F13A1: variants seen among roughly 807,000 people sequenced by gnomAD.
The protein encoded by F13A1 is FSF, A subunit.
F13A1 carries 47 observed loss-of-function variants against 80.1 expected under a neutral mutation model. The ratio of observed to expected loss-of-function variants is 0.59; its 90% confidence interval spans 0.46 to 0.75. The LOEUF (loss-of-function observed/expected upper bound fraction) is 0.75, where lower values mean the gene tolerates loss of function less well. Among genes scored for constraint, F13A1 ranks in the 30% least tolerant of loss-of-function variants. F13A1 has a pLI of 0.00. For synonymous variants in F13A1, 349 were observed against 344.9 expected (o/e 1.01, Z -0.13); for missense variants, 817 against 930.4 (o/e 0.88, Z 1.59).
At chr6:6,174,481 A>G (rs889621478) in intron 12 of F13A1, 99 bp downstream of exon 12, 2 of 1,307,450 alleles carry the variant, frequency 1.5e-6, no homozygotes, top group African/African-American at 2.9e-5. Flanking sequence ...TCTTGGAGGG[A>G]ACTTTAACTT....
intron 8 of F13A1, among the ~76,000 whole-genome samples, chr6:6,199,486 C>A (rs1054125312): frequency 1.4e-5 from 2 of 145,394 alleles, no homozygotes; most frequent in African/African-American, 2.6e-5. Flanking sequence ...GAGCGAGACT[C>A]CATCTCAGAA....
rs1490594659 is a variant in F13A1 at position 6,306,933 on chromosome 6, T to C, written c.131-1394A>G. Among the ~76,000 whole-genome samples, 3 of 152,242 alleles carry C rather than the reference T, an allele frequency of 2.0e-5. No individual in the cohort carries two copies. The East Asian group carries it at 5.8e-4, about 29-fold the overall frequency. On this transcript the variant is annotated intron_variant, in intron 2 of 14. Transcript: ENST00000264870. ...AACCAAGAAGTTGGGCTCTTTAAGATCCTCTTCGGTCCTAAAGTCCAGGAG... is the reference window on the plus strand; with the variant it reads ...AACCAAGAAGTTGGGCTCTTTAAGACCCTCTTCGGTCCTAAAGTCCAGGAG...
At chr6:6,220,834 T>G (rs909593996) in intron 8 of F13A1, among the ~76,000 whole-genome samples, 1 of 152,218 alleles carries the variant, frequency 6.6e-6, no homozygotes, top group Non-Finnish European at 1.5e-5. Flanking sequence ...TCCCTTCCAA[T>G]GAACCGAACT....
intron 14 of F13A1, 138 bp from the exon 15 acceptor site, chr6:6,145,910 T>A: frequency 8.8e-7 from 1 of 1,138,226 alleles, no homozygotes; most frequent in Non-Finnish European, 1.3e-6. Context: ...TCTCACTGGC[T>A]GATTCAGCAA....
chr6:6,224,813 A>G lies in F13A1; in HGVS notation c.846T>C (p.Asn282=), dbSNP rs988819544. ...DEGVLVGSWD[N]IYAYGVPPSA... is the part of the protein sequence containing the mutation. ...ATGGGGGGACGCCATAGGCATAGAT[A>G]TTGTCCCAGGATCCAACGAGGACAC... is the stretch of plus-strand genomic sequence containing the variant. Residue 282 remains asparagine (N), a synonymous_variant, in exon 7 of 15, where the codon AAT becomes AAC. Coordinates refer to ENST00000264870, the MANE Select transcript of F13A1 (RefSeq NM_000129.4). 7 of 1,614,106 alleles carry G rather than the reference A, an allele frequency of 4.3e-6. No individual in the cohort carries two copies. In the East Asian group the frequency reaches 8.9e-5, roughly 21 times the overall value.
At chr6:6,181,944 A>G (rs558286693) in intron 11 of F13A1, 44 bp downstream of exon 11, 8 of 1,609,238 alleles carry the variant, frequency 5.0e-6, no homozygotes, top group African/African-American at 2.7e-5. Flanking sequence ...TAAGTACTCA[A>G]TGGACTTGGG....
chr6:6,249,641 C>G (rs927257918), intron 5 of F13A1, among the ~76,000 whole-genome samples: 4 of 152,146 alleles, frequency 2.6e-5, no homozygotes, highest in Non-Finnish European at 4.4e-5. Flanking sequence ...ACCTTGATGA[C>G]TTTTCCCCTT....
chr6:6,309,219 A>G (rs1426392891), intron 2 of F13A1, among the ~76,000 whole-genome samples: 2 of 152,046 alleles, frequency 1.3e-5, no homozygotes, highest in Admixed American at 6.6e-5. Context: ...ACTGTCTAAT[A>G]ACTACTAACT....
At chr6:6,173,644 G>A (rs1760816899) in intron 12 of F13A1, among the ~76,000 whole-genome samples, 1 of 152,080 alleles carries the variant, frequency 6.6e-6, no homozygotes, top group Admixed American at 6.6e-5. Flanking sequence ...CTAACCTCAG[G>A]TGATCCGCTA....
chr6:6,184,399 C>T (rs1371540523), intron 10 of F13A1, among the ~76,000 whole-genome samples: 1 of 152,232 alleles, frequency 6.6e-6, no homozygotes, highest in Admixed American at 6.5e-5. Context: ...ACTTGCGGCT[C>T]AGATTTCTGA....
intron 10 of F13A1, among the ~76,000 whole-genome samples, chr6:6,190,142 T>C (rs968673899): frequency 2.2e-4 from 34 of 151,934 alleles, no homozygotes; most frequent in African/African-American, 7.2e-4. Context: ...TTTTTCAAAG[T>C]TTTCAACTTC....
At chr6:6,295,013 C>A (rs377358809) in intron 3 of F13A1, among the ~76,000 whole-genome samples, 6 of 145,936 alleles carry the variant, frequency 4.1e-5, no homozygotes, top group South Asian at 2.1e-4. Context: ...TTTGTTCTTG[C>A]GATAGTTTAC....
chr6:6,252,972 A>AATAC (rs1203305709), intron 4 of F13A1, among the ~76,000 whole-genome samples: 1 of 151,972 alleles, frequency 6.6e-6, no homozygotes, highest in East Asian at 1.9e-4. Flanking sequence ...CAGCCTGGCC[A>AATAC]ATACAGTGAA....
chr6:6,163,108 GTCTCCTCTCTGTCTCTCACATAATT>G (rs1760602120), intron 13 of F13A1, among the ~76,000 whole-genome samples: 1 of 152,202 alleles, frequency 6.6e-6, no homozygotes, highest in Admixed American at 6.5e-5. Flanking sequence ...AAGGGCTGTG[GTCTCCTCTCTGTCTCTCACATAATT>G]TCACCCTGTG....
At chr6:6,283,969 C>T (rs777135445) in intron 3 of F13A1, among the ~76,000 whole-genome samples, 1 of 152,204 alleles carries the variant, frequency 6.6e-6, no homozygotes, top group South Asian at 2.1e-4. Flanking sequence ...GAGAAATCAA[C>T]TCGCAAGGGG....
At chr6:6,193,886 C>T (rs750826186) in intron 10 of F13A1, among the ~76,000 whole-genome samples, 3 of 152,060 alleles carry the variant, frequency 2.0e-5, no homozygotes, top group African/African-American at 4.8e-5. Context: ...AAAGTGAAAA[C>T]GAGGGGATAA....
chr6:6,156,075 A>G (rs4960170), intron 13 of F13A1, among the ~76,000 whole-genome samples: 30,757 of 152,168 alleles, frequency 0.2, 3,250 homozygotes, highest in Middle Eastern at 0.28. Context: ...AGAATAAAGC[A>G]TATGTCTTAC....
At chr6:6,167,905 G>A (rs983795694) in intron 12 of F13A1, among the ~76,000 whole-genome samples, 2 of 152,186 alleles carry the variant, frequency 1.3e-5, no homozygotes, top group Non-Finnish European at 2.9e-5. Context: ...TGGAAAAGAT[G>A]TGATTTTCAT....
At chr6:6,237,401 T>C (rs936058706) in intron 6 of F13A1, among the ~76,000 whole-genome samples, 2 of 152,146 alleles carry the variant, frequency 1.3e-5, no homozygotes, top group South Asian at 4.1e-4. Flanking sequence ...TGGGCTTTTA[T>C]GGCACTTACA....
Sources: allele counts gnomAD v4.1 joint callset (sites outside exome capture counted in the v4.1 genomes callset), GRCh38; gene constraint gnomAD v4.1.1; transcripts MANE v1.5; gene names NCBI Gene and HGNC (gene_info 2026-07-23, HGNC 2026-07-21).